Variants in CNTN5 observed in about 807,000 individuals in gnomAD.
CNTN5 encodes the protein contactin 5.
Under a neutral mutation model 129.1 loss-of-function variants are expected in CNTN5, and 77 were observed. The ratio of observed to expected loss-of-function variants is 0.60; its 90% confidence interval spans 0.50 to 0.72. The LOEUF is 0.72. CNTN5 is among the 30% of genes least tolerant of loss of function. The pLI, the probability that CNTN5 is intolerant of heterozygous loss-of-function variation, is 0.00. For missense variants in CNTN5, 1,478 were observed against 1,328.8 expected (o/e 1.11, Z -1.75); for synonymous variants, 509 against 465.6 (o/e 1.09, Z -1.20).
intron 3 of CNTN5, among the ~76,000 whole-genome samples, chr11:99,812,620 C>G (rs1409327207): frequency 6.6e-6 from 1 of 152,096 alleles, no homozygotes; most frequent in Non-Finnish European, 1.5e-5. Context: ...AGAGCTATTC[C>G]TCTCTTGCTC....
intron 3 of CNTN5, among the ~76,000 whole-genome samples, chr11:99,780,325 T>A (rs1422388509): frequency 6.6e-6 from 1 of 152,098 alleles, no homozygotes; most frequent in Admixed American, 6.6e-5. Flanking sequence ...AAGAGGAGAA[T>A]ATGGCTAATA....
chr11:99,468,460 A>G (rs1210824100), intron 2 of CNTN5, among the ~76,000 whole-genome samples: 43 of 152,094 alleles, frequency 2.8e-4, no homozygotes, highest in Admixed American at 2.8e-3. Context: ...CTCACCCCCA[A>G]CAATCCCTGT....
intron 2 of CNTN5, among the ~76,000 whole-genome samples, chr11:99,552,464 A>G (rs1478497755): frequency 6.6e-6 from 1 of 152,182 alleles, no homozygotes; most frequent in East Asian, 1.9e-4. Context: ...TGCTAAGAAT[A>G]AAAATAAGGC....
chr11:99,408,702 T>C (rs1157077821), intron 2 of CNTN5, among the ~76,000 whole-genome samples: 1 of 152,182 alleles, frequency 6.6e-6, no homozygotes, highest in East Asian at 1.9e-4. Context: ...AATAAGTTTA[T>C]ACACTTTTTC....
intron 9 of CNTN5, among the ~76,000 whole-genome samples, chr11:100,038,389 T>C (rs1219527874): frequency 6.6e-6 from 1 of 152,202 alleles, no homozygotes; most frequent in Admixed American, 6.5e-5. Context: ...TACTTCCAAC[T>C]ATGTGGTCAA....
At chr11:99,975,637 G>A (rs1340599683) in intron 8 of CNTN5, among the ~76,000 whole-genome samples, 1 of 152,076 alleles carries the variant, frequency 6.6e-6, no homozygotes, top group Non-Finnish European at 1.5e-5. Context: ...GTGGCAGCAG[G>A]AGAGAGAGAT....
At chr11:100,167,849 C>G (rs1378354658) in intron 13 of CNTN5, among the ~76,000 whole-genome samples, 1 of 151,948 alleles carries the variant, frequency 6.6e-6, no homozygotes, top group Non-Finnish European at 1.5e-5. Flanking sequence ...AGCTAGGCCT[C>G]TTGTGGCAGA....
chr11:100,185,007 G>T (rs997749308), intron 13 of CNTN5, among the ~76,000 whole-genome samples: 2 of 151,752 alleles, frequency 1.3e-5, no homozygotes, highest in South Asian at 2.1e-4. Context: ...CCACCTTGGC[G>T]CTCTCTCTCC....
At chr11:99,551,446 G>A (rs528100205) in intron 2 of CNTN5, among the ~76,000 whole-genome samples, 5 of 152,236 alleles carry the variant, frequency 3.3e-5, no homozygotes, top group Admixed American at 2.6e-4. Context: ...TTTATTAACT[G>A]GGGCAAATTA....
intron 1 of CNTN5, among the ~76,000 whole-genome samples, chr11:99,204,730 A>C (rs1435645660): frequency 6.6e-6 from 1 of 152,178 alleles, no homozygotes; most frequent in Non-Finnish European, 1.5e-5. Flanking sequence ...CCTAAAGTTA[A>C]GTAAATGGCC....
At chr11:99,103,402 C>A (rs943942684) in intron 1 of CNTN5, among the ~76,000 whole-genome samples, 5 of 152,190 alleles carry the variant, frequency 3.3e-5, no homozygotes, top group Admixed American at 2.0e-4. Flanking sequence ...TGTTGCCTTT[C>A]CTTTACATCT....
At chr11:100,170,927 G>A (rs1226423361) in intron 13 of CNTN5, among the ~76,000 whole-genome samples, 1 of 151,894 alleles carries the variant, frequency 6.6e-6, no homozygotes, top group Non-Finnish European at 1.5e-5. Context: ...GGGTAAATAG[G>A]TGAAATGTGC....
intron 2 of CNTN5, among the ~76,000 whole-genome samples, chr11:99,418,674 G>T (rs898184651): frequency 2.0e-5 from 3 of 151,982 alleles, no homozygotes; most frequent in Non-Finnish European, 2.9e-5. Flanking sequence ...ACTTGTTTGG[G>T]GTTTCTTTCT....
chr11:99,084,419 A>ATCAT (rs1408548443), intron 1 of CNTN5, among the ~76,000 whole-genome samples: 4 of 152,198 alleles, frequency 2.6e-5, no homozygotes, highest in Non-Finnish European at 5.9e-5. Context: ...CAGAGCATAA[A>ATCAT]TCATTGCCTT....
At chr11:100,049,204 C>G (rs145778683) in intron 9 of CNTN5, among the ~76,000 whole-genome samples, 1,659 of 151,924 alleles carry the variant, frequency 0.011, 17 homozygotes, top group South Asian at 0.024. Flanking sequence ...TCTATTTCCA[C>G]TTGTTTTGTA....
intron 1 of CNTN5, among the ~76,000 whole-genome samples, chr11:99,246,092 A>G (rs1205071903): frequency 4.6e-5 from 7 of 152,186 alleles, no homozygotes; most frequent in African/African-American, 1.7e-4. Flanking sequence ...ATGTTTCAAC[A>G]ATTTGGTTAA....
At position 100,042,055 on chromosome 11, in the gene CNTN5, G is replaced by T. The variant is rs554769072; in HGVS notation, c.981-19157G>T. Among the ~76,000 whole-genome samples the T allele has an allele frequency of 7.2e-5, 11 of 152,244 alleles. No individual in the cohort carries two copies. The South Asian group carries it at 1.2e-3, about 17-fold the overall frequency. On this transcript the variant is annotated intron_variant, in intron 9 of 24. Transcript: ENST00000524871. ...GGAGACTGCGACAATGTGGTCCCCTGCCTCAAGGGAGAGATTCATATACTC... is the reference window on the plus strand; with the variant it reads ...GGAGACTGCGACAATGTGGTCCCCTTCCTCAAGGGAGAGATTCATATACTC...
At chr11:99,362,004 T>C (rs890062009) in intron 2 of CNTN5, among the ~76,000 whole-genome samples, 3 of 152,138 alleles carry the variant, frequency 2.0e-5, no homozygotes, top group Non-Finnish European at 2.9e-5. Context: ...CTGGATAATA[T>C]GATTATTTTA....
chr11:100,194,781 A>AGAATTTGGTAAATGTATATTAGTGG (rs1254695799), intron 15 of CNTN5, among the ~76,000 whole-genome samples: 2 of 152,042 alleles, frequency 1.3e-5, no homozygotes, highest in African/African-American at 4.8e-5. Context: ...TTCTCACCTT[A>AGAATTTGGTAAATGTATATTAGTGG]GAATTTGGTA....
Sources: allele counts gnomAD v4.1 joint callset (sites outside exome capture counted in the v4.1 genomes callset), GRCh38; gene constraint gnomAD v4.1.1; transcripts MANE v1.5; gene names NCBI Gene and HGNC (gene_info 2026-07-23, HGNC 2026-07-21).